The following BCAS1 variants were observed in gnomAD, a reference collection of about 807,000 sequenced individuals.
BCAS1 encodes the protein breast carcinoma-amplified sequence 1.
Under a neutral mutation model 65.4 loss-of-function variants are expected in BCAS1, and 46 were observed. That is an observed-to-expected ratio of 0.70 (90% CI 0.55 to 0.90). The LOEUF (loss-of-function observed/expected upper bound fraction) is 0.90, where lower values mean the gene tolerates loss of function less well. Ranked by LOEUF, BCAS1 falls within the 40% of genes least tolerant of loss-of-function variation. The pLI is 0.00. For missense variants in BCAS1, 793 were observed against 771.2 expected (o/e 1.03, Z -0.33); for synonymous variants, 298 against 293.5 (o/e 1.02, Z -0.16).
chr20:53,958,042 G>A (rs965663234), intron 10 of BCAS1, among the ~76,000 whole-genome samples: 1 of 152,148 alleles, frequency 6.6e-6, no homozygotes, highest in African/African-American at 2.4e-5. Context: ...GGTTCTAGAA[G>A]TATGATTCCA....
At chr20:53,998,603 C>T (rs2038804595) in intron 4 of BCAS1, among the ~76,000 whole-genome samples, 1 of 152,176 alleles carries the variant, frequency 6.6e-6, no homozygotes, top group African/African-American at 2.4e-5. Flanking sequence ...TGGATCCACC[C>T]CTGTGATCTT....
chr20:53,954,949 A>G (rs887128884), intron 11 of BCAS1, among the ~76,000 whole-genome samples: 3 of 152,254 alleles, frequency 2.0e-5, no homozygotes, highest in African/African-American at 7.2e-5. Flanking sequence ...AAATTTTAAA[A>G]AATGCAAAAT....
intron 8 of BCAS1, among the ~76,000 whole-genome samples, chr20:53,984,269 A>G (rs2090556699): frequency 6.6e-6 from 1 of 152,196 alleles, no homozygotes; most frequent in Non-Finnish European, 1.5e-5. Flanking sequence ...GGTAAAAGAT[A>G]TTTTAAGATA....
rs2090790906 is a variant in BCAS1, at chr20:53,992,607, G to A, written c.967C>T (p.Gln323Ter). 3.7e-6 allele frequency: 5 copies of A among 1,365,812 alleles called. No individual in the cohort carries two copies. Among genetic ancestry groups the A allele is most frequent in the Non-Finnish European group, 4.9e-6 (5 of 1,021,702 alleles). 84.6% of individuals were successfully genotyped at this position (1,365,812 alleles called of 1,614,324 possible). The change falls in exon 7 of 13, where the codon CAG becomes TAG. Residue 323 changes from glutamine (Q) to a stop codon, truncating the protein, a stop_gained. Coordinates refer to ENST00000688948, the MANE Select transcript of BCAS1 (RefSeq NM_001366298.2). LOFTEE classifies it high-confidence loss of function. The part of the protein sequence containing the change: ...AESVCDGQAG[Q>*]KTSEIQARGT... Reference sequence around the variant, plus strand: ...CTAGCCTGGATCTCGGATGTCTTCTGACCAGCTTGTCCATCACAGACACTT... The same window carrying A: ...CTAGCCTGGATCTCGGATGTCTTCTAACCAGCTTGTCCATCACAGACACTT...
At chr20:54,018,345 C>T (rs2091483218) in intron 4 of BCAS1, among the ~76,000 whole-genome samples, 1 of 151,942 alleles carries the variant, frequency 6.6e-6, no homozygotes, top group African/African-American at 2.4e-5. Context: ...AAAATCATTC[C>T]TGGCACAAAG....
intron 3 of BCAS1, among the ~76,000 whole-genome samples, chr20:54,057,628 T>C (rs539967627): frequency 6.6e-6 from 1 of 152,334 alleles, no homozygotes; most frequent in South Asian, 2.1e-4. Flanking sequence ...CCTAACCCCC[T>C]GTGAATGTGA....
intron 3 of BCAS1, among the ~76,000 whole-genome samples, chr20:54,035,287 C>A (rs564723239): frequency 6.7e-6 from 1 of 149,282 alleles, no homozygotes; most frequent in African/African-American, 2.4e-5. Flanking sequence ...GTAGTCCCAG[C>A]TACTTGGAGA....
At chr20:54,040,391 A>G (rs759199280) in intron 3 of BCAS1, among the ~76,000 whole-genome samples, 3 of 151,274 alleles carry the variant, frequency 2.0e-5, no homozygotes, top group Non-Finnish European at 4.4e-5. Flanking sequence ...ACCACGGGTC[A>G]GCTGTGGAGA....
At position 54,028,396 on chromosome 20, in the gene BCAS1, C is replaced by G; in HGVS notation, c.719G>C (p.Gly240Ala). 6.2e-7 allele frequency: 1 copy of G among 1,614,222 alleles called. No homozygotes were observed. Among genetic ancestry groups the G allele is most frequent in the Non-Finnish European group, 8.5e-7 (1 of 1,180,032 alleles). Residue 240 changes from glycine to alanine, a missense_variant, in exon 4 of 13, where the codon GGG becomes GCG. Transcript: ENST00000688948. ...LSGQSDDVPA[G>A]KDIVDGKEKE... ...GATACACCTTGGCACACTTACCTTCCCTGCAGGGACATCATCGGACTGCCC... is the reference window on the plus strand; with the variant it reads ...GATACACCTTGGCACACTTACCTTCGCTGCAGGGACATCATCGGACTGCCC...
intron 3 of BCAS1, among the ~76,000 whole-genome samples, chr20:54,029,636 A>G (rs2091758336): frequency 6.6e-6 from 1 of 152,242 alleles, no homozygotes; most frequent in South Asian, 2.1e-4. Context: ...CAGATAATAA[A>G]TCTCGTAATT....
chr20:54,058,367 T>C (rs2092329234), intron 2 of BCAS1, among the ~76,000 whole-genome samples: 1 of 152,168 alleles, frequency 6.6e-6, no homozygotes, highest in Admixed American at 6.5e-5. Context: ...GAGCACACCA[T>C]GGTGCCTCAG....
At chr20:53,951,725 C>A (rs1031395390) in intron 12 of BCAS1, among the ~76,000 whole-genome samples, 2 of 152,222 alleles carry the variant, frequency 1.3e-5, no homozygotes, top group African/African-American at 4.8e-5. Flanking sequence ...TACAGCCTCA[C>A]CCACTTGGGT....
intron 3 of BCAS1, among the ~76,000 whole-genome samples, chr20:54,049,512 G>C (rs183653721): frequency 6.6e-5 from 10 of 151,782 alleles, no homozygotes; most frequent in African/African-American, 2.2e-4. Flanking sequence ...GGGAAAATCT[G>C]GTCAGGTGAT....
Position 53,944,847 on chromosome 20 carries a change from T to C in BCAS1, c.*75A>G, listed in dbSNP as rs2089255766. On this transcript the variant is annotated 3_prime_UTR_variant, in exon 13 of 13. Transcript: ENST00000688948. ...ATCAGAAGAATATATACATGGAGCG[T>C]GTTTGGGGAGGAGATGGAGTAAGGA... The C allele has an allele frequency of 2.3e-6, 3 of 1,312,318 alleles. No homozygotes were observed. The highest frequency in any genetic ancestry group is 2.2e-6 in the Non-Finnish European group (2 of 905,288). The allele number at this position is 1,312,318 out of a possible 1,614,324, so 81.3% of individuals were successfully genotyped here.
chr20:53,961,284 A>T (rs1450058643), intron 10 of BCAS1, among the ~76,000 whole-genome samples: 1 of 152,248 alleles, frequency 6.6e-6, no homozygotes, highest in African/African-American at 2.4e-5. Context: ...ATTGACATTT[A>T]AAAGAAAAAG....
chr20:54,029,121 C>T (rs2091746501), intron 3 of BCAS1, 149 bp from the exon 4 acceptor site: 3 of 1,434,372 alleles, frequency 2.1e-6, no homozygotes, highest in Non-Finnish European at 2.7e-6. Flanking sequence ...GAAGTTAGCT[C>T]TCTACATCTC....
At chr20:53,969,927 T>TTAC (rs1382268822) in intron 9 of BCAS1, among the ~76,000 whole-genome samples, 2 of 152,134 alleles carry the variant, frequency 1.3e-5, no homozygotes, top group East Asian at 3.9e-4. Flanking sequence ...GAAAATGAGA[T>TTAC]TACTAACTTA....
chr20:54,039,686 G>T (rs1203461577), intron 3 of BCAS1, among the ~76,000 whole-genome samples: 1 of 150,492 alleles, frequency 6.6e-6, no homozygotes, highest in African/African-American at 2.4e-5. Flanking sequence ...TGTTTCATTT[G>T]ATTTTTTTTA....
At chr20:53,978,691 T>A (rs963646722) in intron 8 of BCAS1, among the ~76,000 whole-genome samples, 2 of 152,216 alleles carry the variant, frequency 1.3e-5, no homozygotes, top group Non-Finnish European at 2.9e-5. Flanking sequence ...GGCCTGCAAG[T>A]GTAGCCTTCT....
Sources: gnomAD v4.1 joint callset for allele counts (sites outside exome capture counted in the v4.1 genomes callset) on GRCh38, gnomAD v4.1.1 for gene constraint, MANE v1.5 for transcripts, NCBI Gene and HGNC (gene_info 2026-07-23, HGNC 2026-07-21) for gene names.